Variants in DENND2B observed in about 807,000 individuals in gnomAD.
The protein encoded by DENND2B is DENN domain containing 2B, also known as DENN domain-containing protein 2B.
A neutral mutation model predicts 116.0 loss-of-function variants in DENND2B; 32 were observed. That is an observed-to-expected ratio of 0.28 (90% CI 0.21 to 0.37). DENND2B has a LOEUF of 0.37. Among genes scored for constraint, DENND2B ranks in the 10% least tolerant of loss-of-function variants. The pLI, the probability that DENND2B is intolerant of heterozygous loss-of-function variation, is 1.00. For missense variants in DENND2B, 1,276 were observed against 1,477.7 expected (o/e 0.86, Z 2.24); for synonymous variants, 588 against 583.9 (o/e 1.01, Z -0.10).
chr11:8,709,006 C>G (rs2133779636), intron 11 of DENND2B, among the ~76,000 whole-genome samples: 1 of 152,164 alleles, frequency 6.6e-6, no homozygotes, highest in Non-Finnish European at 1.5e-5. Context: ...CTGAGAGCTC[C>G]CAGGCCCGGA....
At chr11:8,867,573 C>CTTTTTTT (rs33990941) in intron 2 of DENND2B, among the ~76,000 whole-genome samples, 34 of 89,238 alleles carry the variant, frequency 3.8e-4, no homozygotes, top group East Asian at 7.5e-4. Flanking sequence ...TAAAATTCAG[C>CTTTTTTT]TTTTTTTTTT....
At chr11:8,803,923 G>C (rs1460079054) in intron 1 of DENND2B, among the ~76,000 whole-genome samples, 2 of 152,170 alleles carry the variant, frequency 1.3e-5, no homozygotes, top group African/African-American at 4.8e-5. Flanking sequence ...CCGGGGTCTG[G>C]AGCACTGAGA....
intron 1 of DENND2B, among the ~76,000 whole-genome samples, chr11:8,900,673 A>C (rs2134758512): frequency 6.6e-6 from 1 of 151,630 alleles, no homozygotes; most frequent in African/African-American, 2.4e-5. Flanking sequence ...ATCACTAAAA[A>C]ATTTTTTTAA....
intron 1 of DENND2B, among the ~76,000 whole-genome samples, chr11:8,753,243 G>C (rs1387303385): frequency 1.4e-5 from 2 of 147,940 alleles, no homozygotes; most frequent in African/African-American, 5.0e-5. Context: ...CCTCCAAAAA[G>C]AAAAAAAAAT....
At chr11:8,852,418 G>T (rs563493621) in intron 3 of DENND2B, among the ~76,000 whole-genome samples, 6 of 152,302 alleles carry the variant, frequency 3.9e-5, no homozygotes, top group African/African-American at 1.4e-4. Flanking sequence ...GATGGCTTGA[G>T]ACCAAGAGAT....
intron 1 of DENND2B, among the ~76,000 whole-genome samples, chr11:8,804,317 C>T (rs530007777): frequency 2.6e-5 from 4 of 152,244 alleles, no homozygotes; most frequent in African/African-American, 7.2e-5. Flanking sequence ...TTGTCCATGG[C>T]TCCCTGTGCC....
At chr11:8,850,370 A>T (rs1315812133) in intron 3 of DENND2B, among the ~76,000 whole-genome samples, 1 of 152,228 alleles carries the variant, frequency 6.6e-6, no homozygotes, top group East Asian at 1.9e-4. Flanking sequence ...CAACTTATTT[A>T]AAAATGGGCA....
chr11:8,779,364 T>C (rs1040438443), intron 1 of DENND2B, among the ~76,000 whole-genome samples: 6 of 152,164 alleles, frequency 3.9e-5, no homozygotes, highest in South Asian at 2.1e-4. Context: ...GGCTCAGCCC[T>C]AGCAGGTATG....
At chr11:8,880,850 C>T (rs189862783) in intron 2 of DENND2B, among the ~76,000 whole-genome samples, 112 of 152,294 alleles carry the variant, frequency 7.4e-4, no homozygotes, top group Non-Finnish European at 1.3e-3. Context: ...CCAAAACTTC[C>T]AACTACTCAC....
intron 1 of DENND2B, among the ~76,000 whole-genome samples, chr11:8,897,083 CA>C (rs201800451): frequency 1.4e-5 from 2 of 142,384 alleles, no homozygotes; most frequent in Admixed American, 7.1e-5. Context: ...ACAAAAAATA[CA>C]AAAAAAATTT....
intron 17 of DENND2B, 31 bp from the exon 18 acceptor site, chr11:8,696,697 A>G: frequency 6.2e-7 from 1 of 1,607,674 alleles, no homozygotes; most frequent in Admixed American, 1.7e-5. Context: ...TTTGAGGTTC[A>G]GGTCAAGAGC....
intron 19 of DENND2B, 68 bp downstream of exon 19, chr11:8,695,395 G>A: frequency 1.4e-6 from 2 of 1,431,810 alleles, no homozygotes; most frequent in Non-Finnish European, 2.0e-6. Context: ...AGAGTATTCG[G>A]GAACACAAAT....
intron 1 of DENND2B, among the ~76,000 whole-genome samples, chr11:8,883,561 C>T (rs1221885007): frequency 1.3e-5 from 2 of 152,292 alleles, no homozygotes; most frequent in East Asian, 1.9e-4. Context: ...TAAGCACAAA[C>T]ATCTCATAAG....
At chr11:8,806,730 G>C (rs998555433) in intron 1 of DENND2B, among the ~76,000 whole-genome samples, 2 of 151,456 alleles carry the variant, frequency 1.3e-5, no homozygotes, top group African/African-American at 4.9e-5. Context: ...CTCTAAGACA[G>C]ATGCACCCAG....
Position 8,707,362 on chromosome 11 carries a change from A to G in DENND2B, c.2431-137T>C. 6 of 1,135,090 alleles carry G rather than the reference A, an allele frequency of 5.3e-6. No homozygotes were observed. The highest frequency in any genetic ancestry group is 7.3e-6 in the Non-Finnish European group (6 of 820,772). The allele number at this position is 1,135,090 out of a possible 1,614,324, so 70.3% of individuals were successfully genotyped here. On this transcript the variant is annotated intron_variant, in intron 12 of 19. Transcript: ENST00000313726. The surrounding 1 kb of genome is among the most constrained non-coding windows in gnomAD (Gnocchi z 4.8). The stretch of plus-strand genomic sequence containing the variant: ...GAGACGGGAAGGTGGTCTTGCCATG[A>G]TCTGCACACTCTACCCTTCCCGTTT...
Position 8,793,119 on chromosome 11 carries a change from G to A in DENND2B, c.-26+17398C>T, listed in dbSNP as rs554618178. 5.9e-5 allele frequency among the ~76,000 whole-genome samples: 9 copies of A among 152,246 alleles called. No individual in the cohort carries two copies. In the South Asian group the frequency reaches 1.7e-3, roughly 28 times the overall value. Reference sequence around the variant, plus strand: ...GCTGCTCCTTAAAAGCACATACTGAGGTAGAAAAATATCCTAGGTAAATTA... The same window carrying A: ...GCTGCTCCTTAAAAGCACATACTGAAGTAGAAAAATATCCTAGGTAAATTA... On this transcript the variant is annotated intron_variant, in intron 1 of 19. Coordinates refer to ENST00000313726, the MANE Select transcript of DENND2B (RefSeq NM_213618.2).
chr11:8,811,692 A>G (rs1261752093), upstream of DENND2B: 1 of 188,856 alleles, frequency 5.3e-6, no homozygotes, highest in Non-Finnish European at 1.1e-5. Flanking sequence ...AATACACTGC[A>G]CAGATATTTT....
chr11:8,813,453 G>A (rs1048883979), upstream of DENND2B, among the ~76,000 whole-genome samples: 5 of 152,192 alleles, frequency 3.3e-5, no homozygotes, highest in Admixed American at 6.5e-5. Context: ...CTAAATTTCC[G>A]CCTCTTCCTT....
chr11:8,794,658 G>C (rs2059658620), intron 1 of DENND2B: 1 of 152,318 alleles, frequency 6.6e-6, no homozygotes, highest in Non-Finnish European at 1.5e-5. Flanking sequence ...GGACAGGGCA[G>C]CTGACATTGA....
Sources: gnomAD v4.1 joint callset for allele counts (sites outside exome capture counted in the v4.1 genomes callset) on GRCh38, gnomAD v4.1.1 for gene constraint, Gnocchi (gnomAD v3.1) non-coding constraint, MANE v1.5 for transcripts, NCBI Gene and HGNC (gene_info 2026-07-23, HGNC 2026-07-21) for gene names.